Variants in PRH1 observed in about 807,000 individuals in gnomAD.
The protein encoded by PRH1 is salivary acidic proline-rich phosphoprotein 1/2.
Under a neutral mutation model 7.9 loss-of-function variants are expected in PRH1, and 7 were observed. The observed-to-expected ratio is 0.89, with a 90% CI of 0.50 to 1.67. The LOEUF (loss-of-function observed/expected upper bound fraction) is 1.67. Among genes scored for constraint, PRH1 ranks in the 40% most tolerant of loss-of-function variants. PRH1 has a pLI of 0.00. For synonymous variants in PRH1, 45 were observed against 80.8 expected (o/e 0.56, Z 2.38); for missense variants, 109 against 223.6 (o/e 0.49, Z 3.27).
chr12:11,018,857 G>C (rs1417933063), intron 1 of PRH1, among the ~76,000 whole-genome samples: 1 of 152,288 alleles, frequency 6.6e-6, no homozygotes, highest in Non-Finnish European at 1.5e-5. Flanking sequence ...GTCTCAAGGA[G>C]AGATCCCTCG....
intron 1 of PRH1, among the ~76,000 whole-genome samples, chr12:11,092,468 G>C (rs1944956364): frequency 8.7e-6 from 1 of 114,798 alleles, no homozygotes; most frequent in East Asian, 2.1e-4. Flanking sequence ...GCCGCGGCTG[G>C]CTGAAGCCAT....
chr12:11,118,758 G>T (rs965185258), downstream of PRH1, among the ~76,000 whole-genome samples: 1 of 152,084 alleles, frequency 6.6e-6, no homozygotes, highest in Non-Finnish European at 1.5e-5. Flanking sequence ...ACTTTGGGAG[G>T]CCGAGGTGGG....
chr12:11,130,635 A>G (rs1246972512), intron 1 of PRH1, among the ~76,000 whole-genome samples: 1 of 118,106 alleles, frequency 8.5e-6, no homozygotes, highest in African/African-American at 2.8e-5. Flanking sequence ...AGTGGGCATT[A>G]TAGGACTCTG....
At chr12:11,094,287 C>G (rs35708307) in intron 1 of PRH1, among the ~76,000 whole-genome samples, 65,835 of 68,858 alleles carry the variant, frequency 0.96, 32,035 homozygotes, top group Middle Eastern at 1. Context: ...GAGTGACAGA[C>G]CAAGACTCTG....
chr12:11,171,124 G>A (rs1299877886), intron 1 of PRH1: 3 of 391,726 alleles, frequency 7.7e-6, no homozygotes, highest in Non-Finnish European at 9.0e-6. Flanking sequence ...CCTACCATCA[G>A]TTGAGCTCTA....
At chr12:11,050,937 A>C (rs1453086139), upstream of PRH1, among the ~76,000 whole-genome samples, 2 of 152,272 alleles carry the variant, frequency 1.3e-5, no homozygotes, top group Non-Finnish European at 2.9e-5. Flanking sequence ...CCACTGCTTT[A>C]TCCAGCCTAA....
exon 2 of PRH1, chr12:11,121,111 C>G (rs2708338): frequency 6.5e-6 from 1 of 152,922 alleles, no homozygotes; most frequent in Non-Finnish European, 1.5e-5. Context: ...AGAAGAAGTT[C>G]CAAGGTTTAT....
At chr12:10,993,815 G>A (rs1357033595) in intron 1 of PRH1, among the ~76,000 whole-genome samples, 4 of 152,204 alleles carry the variant, frequency 2.6e-5, no homozygotes, top group Non-Finnish European at 4.4e-5. Flanking sequence ...AAACCCGCTA[G>A]AGGCATGCAT....
chr12:11,031,489 G>C (rs374486657), intron 1 of PRH1: 53 of 772,998 alleles, frequency 6.9e-5, no homozygotes, highest in African/African-American at 5.2e-4. Flanking sequence ...GACCCAAAGA[G>C]TGAGCAACAG....
chr12:11,002,446 T>TTC (rs1464417153), intron 1 of PRH1, among the ~76,000 whole-genome samples: 1 of 152,130 alleles, frequency 6.6e-6, no homozygotes, highest in Non-Finnish European at 1.5e-5. Context: ...CTATTTTTTT[T>TTC]TCTTTTACCA....
At chr12:10,979,042 C>A (rs1447010539) in intron 1 of PRH1, among the ~76,000 whole-genome samples, 1 of 152,008 alleles carries the variant, frequency 6.6e-6, no homozygotes, top group Non-Finnish European at 1.5e-5. Flanking sequence ...CAAGTGGGAG[C>A]TAAACATTAA....
At chr12:11,093,850 C>T (rs1276484903) in intron 1 of PRH1, among the ~76,000 whole-genome samples, 1 of 114,760 alleles carries the variant, frequency 8.7e-6, no homozygotes, top group African/African-American at 2.9e-5. Flanking sequence ...GGGGATTCTT[C>T]CTCTTTCCAT....
intron 1 of PRH1, among the ~76,000 whole-genome samples, chr12:11,043,462 A>T (rs1431361561): frequency 6.6e-6 from 1 of 152,172 alleles, no homozygotes; most frequent in Non-Finnish European, 1.5e-5. Flanking sequence ...TGCAAGAAAA[A>T]TAAATAAAGA....
chr12:10,969,904 ATTC>A (rs1938716835), intron 2 of PRH1, among the ~76,000 whole-genome samples: 2 of 152,060 alleles, frequency 1.3e-5, no homozygotes. Flanking sequence ...GGTTCAAGCA[ATTC>A]TCCTTGCATC....
In PRH1 at chr12:10,997,397, C is replaced by T. The variant is rs768547026; in HGVS notation, c.-125-23676G>A. On this transcript the variant is annotated intron_variant, in intron 1 of 3. Coordinates refer to the PRH1 transcript ENST00000539853. ...CAGTTTGATCTTCCAAGTTACGTTT[C>T]CTTCACATTCTTCTGTCCACACATT... 32 of 1,613,976 alleles carry T rather than the reference C, an allele frequency of 2.0e-5. No individual in the cohort carries two copies. Among genetic ancestry groups the T allele is most frequent in the Non-Finnish European group, 2.5e-5 (29 of 1,179,998 alleles).
intron 1 of PRH1, among the ~76,000 whole-genome samples, chr12:11,084,137 G>T (rs1459126419): frequency 7.4e-6 from 1 of 135,258 alleles, no homozygotes; most frequent in African/African-American, 2.6e-5. Flanking sequence ...ACAGAAACAG[G>T]AACTGTGTTA....
downstream of PRH1, among the ~76,000 whole-genome samples, chr12:11,118,904 A>G (rs1353963633): frequency 6.8e-6 from 1 of 147,890 alleles, no homozygotes; most frequent in African/African-American, 2.5e-5. Flanking sequence ...CTGAGGCAGG[A>G]GAACCACTTG....
rs1168655560 is a variant in PRH1, at chr12:11,158,869, T to TATAATAATAATAAATAATAAATAAAAA, written n.39+12552_39+12553insTTTTTATTTATTATTTATTATTATTAT. ...GTCTTAGCTTGTTGTTTCCCAAAAT[T>TATAATAATAATAAATAATAAATAAAAA]ATAATAAATGAGTGGCCTGAGGGAA... is the stretch of plus-strand genomic sequence containing the variant. On this transcript the variant is annotated intron_variant and non_coding_transcript_variant, in intron 1 of 1. Coordinates refer to the PRH1 transcript ENST00000541175. 3 of 152,290 alleles carry TATAATAATAATAAATAATAAATAAAAA rather than the reference T, an allele frequency of 2.0e-5. No individual in the cohort carries two copies. In the East Asian group the frequency reaches 5.8e-4, roughly 29 times the overall value. 9.4% of individuals were successfully genotyped at this position (152,290 alleles called of 1,614,324 possible). A position where few individuals can be genotyped will look rare whatever the true frequency, so the allele number is the denominator to read the frequency against.
chr12:10,922,179 G>A lies in PRH1; in HGVS notation c.-58-37904C>T, dbSNP rs928253427. On this transcript the variant is annotated intron_variant, in intron 2 of 3. Transcript: ENST00000539853. ...GAACAGTACCATGTACTAAGTAAGC[G>A]CAAGGTACATATTAGCTCCTTCTTA... 1.3e-4 allele frequency among the ~76,000 whole-genome samples: 19 copies of A among 151,926 alleles called. No homozygotes were observed. In the East Asian group the frequency reaches 1.5e-3, roughly 12 times the overall value.
Sources: gnomAD v4.1 joint callset for allele counts (sites outside exome capture counted in the v4.1 genomes callset) on GRCh38, gnomAD v4.1.1 for gene constraint, MANE v1.5 for transcripts, NCBI Gene and HGNC (gene_info 2026-07-23, HGNC 2026-07-21) for gene names.